TUB: variants seen among roughly 807,000 people sequenced by gnomAD.
TUB encodes TUB bipartite transcription factor, also known as tubby protein homolog.
A neutral mutation model predicts 59.7 loss-of-function variants in TUB; 33 were observed. The observed-to-expected ratio is 0.55, with a 90% confidence interval of 0.42 to 0.74. The LOEUF (loss-of-function observed/expected upper bound fraction) is 0.74, where lower values mean the gene tolerates loss of function less well. Among genes scored for constraint, TUB ranks in the 30% least tolerant of loss-of-function variants. The pLI, the probability that TUB is intolerant of heterozygous loss-of-function variation, is 0.00. For synonymous variants in TUB, 293 were observed against 256.4 expected, an observed-to-expected ratio of 1.14 and a Z score of -1.36; for missense variants, 659 against 672.0, an observed-to-expected ratio of 0.98 and a Z score of 0.21.
chr11:8,030,032 TG>T (rs1440839786), intron 1 of TUB, among the ~76,000 whole-genome samples: 4 of 151,452 alleles, frequency 2.6e-5, no homozygotes, highest in African/African-American at 4.9e-5. Flanking sequence ...GGGCAGTGAG[TG>T]GGGGGTGGTC....
intron 1 of TUB, among the ~76,000 whole-genome samples, chr11:8,088,405 G>T (rs1188414956): frequency 2.0e-5 from 3 of 152,172 alleles, no homozygotes; most frequent in African/African-American, 7.2e-5. Flanking sequence ...TGTCCTCAGG[G>T]TGATGTGACC....
At chr11:8,095,284 G>A (rs1212494293) in intron 4 of TUB, among the ~76,000 whole-genome samples, 1 of 152,186 alleles carries the variant, frequency 6.6e-6, no homozygotes, top group Non-Finnish European at 1.5e-5. Flanking sequence ...AATTAATTTG[G>A]GGGAAGAGCA....
At chr11:8,053,942 C>A (rs1402720209) in intron 2 of TUB, among the ~76,000 whole-genome samples, 1 of 151,580 alleles carries the variant, frequency 6.6e-6, no homozygotes, top group Non-Finnish European at 1.5e-5. Context: ...GGTGAAACCC[C>A]GTCTCTACTA....
chr11:8,023,959 A>G (rs764591017), intron 1 of TUB, among the ~76,000 whole-genome samples: 1 of 152,030 alleles, frequency 6.6e-6, no homozygotes, highest in Non-Finnish European at 1.5e-5. Flanking sequence ...CCCATTCTAG[A>G]CCCTTCTCTT....
At chr11:8,097,188 G>T in intron 6 of TUB, 40 bp from the exon 7 acceptor site, 1 of 1,610,658 alleles carries the variant, frequency 6.2e-7, no homozygotes, top group South Asian at 1.1e-5. Flanking sequence ...GGGCTGCTTA[G>T]GGTCCTTGGG....
chr11:8,063,627 C>G (rs1943175833), intron 2 of TUB, among the ~76,000 whole-genome samples: 1 of 152,182 alleles, frequency 6.6e-6, no homozygotes, highest in African/African-American at 2.4e-5. Context: ...TGGGCTCCTT[C>G]CAATTTCTTG....
At chr11:8,039,310 G>A (rs983324425) in intron 1 of TUB, among the ~76,000 whole-genome samples, 20 of 152,044 alleles carry the variant, frequency 1.3e-4, no homozygotes, top group Non-Finnish European at 1.9e-4. Flanking sequence ...CCAGGGCTCC[G>A]GCAGCTCCAC....
chr11:8,056,204 G>A lies in TUB; in HGVS notation c.203+16512G>A, dbSNP rs568001289. ...CTCCAGGGAAGCAAGCTGTCACCAC[G>A]AGGAAGTGCACCCTAGCTTTCCCAC... On this transcript the variant is annotated intron_variant, in intron 2 of 12. Transcript: ENST00000305253. Among the ~76,000 whole-genome samples the A allele has an allele frequency of 6.6e-5, 10 of 152,268 alleles. No individual in the cohort carries two copies. The East Asian group carries it at 1.7e-3, about 27-fold the overall frequency.
At chr11:8,066,482 A>G (rs1943244216) in intron 2 of TUB, among the ~76,000 whole-genome samples, 1 of 152,202 alleles carries the variant, frequency 6.6e-6, no homozygotes, top group Admixed American at 6.5e-5. Flanking sequence ...TACTGTGCAC[A>G]GGGGACTAAG....
At chr11:8,086,655 A>G (rs75194932) in intron 1 of TUB, among the ~76,000 whole-genome samples, 2 of 152,124 alleles carry the variant, frequency 1.3e-5, no homozygotes, top group Admixed American at 6.5e-5. Context: ...GCCCACTCTC[A>G]GAGCCTCCCC....
chr11:8,085,124 A>G (rs941134454), intron 1 of TUB, among the ~76,000 whole-genome samples: 6 of 152,104 alleles, frequency 3.9e-5, no homozygotes, highest in African/African-American at 1.4e-4. Context: ...TGCCCTGGGC[A>G]CTTGGACCCA....
At chr11:8,037,354 C>A (rs932070096), upstream of TUB, among the ~76,000 whole-genome samples, 2 of 152,176 alleles carry the variant, frequency 1.3e-5, no homozygotes, top group Non-Finnish European at 2.9e-5. Flanking sequence ...CGCTTCTCAG[C>A]TGATGTCCGT....
At position 8,095,619 on chromosome 11, in the gene TUB, C is replaced by T. The variant is rs374471490; in HGVS notation, c.519C>T (p.Gly173=). The T allele has an allele frequency of 2.5e-5, 40 of 1,611,110 alleles. No individual in the cohort carries two copies. Among genetic ancestry groups the T allele is most frequent in the South Asian group, 5.5e-5 (5 of 90,542 alleles). ...QDAGETAAGG[G]ERPSGQDLRA... ...CAGGGGAGACGGCAGCTGGTGGGGGCGAACGGCCCAGCGGGCAGGATCTCC... is the reference window on the plus strand; with the variant it reads ...CAGGGGAGACGGCAGCTGGTGGGGGTGAACGGCCCAGCGGGCAGGATCTCC... The change falls in exon 5 of 12, where the codon GGC becomes GGT. Residue 173 remains glycine, a synonymous_variant. Transcript: ENST00000299506.
chr11:8,067,649 C>T (rs1025470504), intron 2 of TUB: 12 of 152,252 alleles, frequency 7.9e-5, no homozygotes, highest in Non-Finnish European at 1.5e-5. Flanking sequence ...GGGAGCAAAA[C>T]AGTGAAAACC....
intron 2 of TUB, among the ~76,000 whole-genome samples, chr11:8,054,625 C>T (rs577449892): frequency 2.9e-4 from 44 of 152,348 alleles, no homozygotes; most frequent in East Asian, 2.1e-3. Flanking sequence ...ATGCATACAC[C>T]TTGATGTGTG....
upstream of TUB, among the ~76,000 whole-genome samples, chr11:8,078,325 G>T (rs1047681900): frequency 6.6e-6 from 1 of 152,146 alleles, no homozygotes; most frequent in African/African-American, 2.4e-5. Context: ...TTGGGCAGGT[G>T]GTGAGGGAGG....
rs78693983 is a variant in TUB, at chr11:8,089,380, G to A, written c.39-230G>A. 5.1e-3 allele frequency among the ~76,000 whole-genome samples: 782 copies of A among 152,282 alleles called. 2 individuals carry two copies. Among genetic ancestry groups the A allele is most frequent in the Non-Finnish European group, 9.3e-3 (632 of 68,024 alleles). ...CGGTATTTACTGGGGAGTCCCTGGG[G>A]AAACAGGGGTCCTAGCAGGCTTCCA... On this transcript the variant is annotated intron_variant, in intron 1 of 11. Transcript: ENST00000299506.
intron 1 of TUB, chr11:8,039,117 A>G (rs1011613266): frequency 3.4e-6 from 5 of 1,484,338 alleles, no homozygotes; most frequent in Non-Finnish European, 4.5e-6. Context: ...AACCCTTTAC[A>G]GTCCCAAGGC....
At chr11:8,032,272 C>A (rs921071564) in intron 1 of TUB, among the ~76,000 whole-genome samples, 2 of 152,230 alleles carry the variant, frequency 1.3e-5, no homozygotes, top group African/African-American at 4.8e-5. Flanking sequence ...CCCCCACCCC[C>A]AACTACCACC....
Sources: allele counts gnomAD v4.1 joint callset (sites outside exome capture counted in the v4.1 genomes callset), GRCh38; gene constraint gnomAD v4.1.1; transcripts MANE v1.5; gene names NCBI Gene and HGNC (gene_info 2026-07-23, HGNC 2026-07-21).